Variants in ADK observed in about 807,000 individuals in gnomAD.
ADK encodes the protein adenosine kinase.
ADK carries 24 observed loss-of-function variants against 44.7 expected under a neutral mutation model. The observed-to-expected ratio is 0.54, with a 90% confidence interval of 0.39 to 0.76. The LOEUF (loss-of-function observed/expected upper bound fraction) is 0.76. Ranked by LOEUF, ADK falls within the 30% of genes least tolerant of loss-of-function variation. The probability of loss-of-function intolerance (pLI) is 0.00; values close to 1 mark genes in which losing one functional copy is unlikely to be tolerated. For missense variants in ADK, 321 were observed against 425.1 expected, an observed-to-expected ratio of 0.76 and a Z score of 2.15; for synonymous variants, 128 against 142.6, an observed-to-expected ratio of 0.90 and a Z score of 0.73.
At chr10:74,213,079 T>C (rs908495672) in intron 2 of ADK, among the ~76,000 whole-genome samples, 1 of 152,146 alleles carries the variant, frequency 6.6e-6, no homozygotes, top group South Asian at 2.1e-4. Flanking sequence ...GTTGGATTTA[T>C]GTTTTTGGTG....
intron 6 of ADK, among the ~76,000 whole-genome samples, chr10:74,466,697 A>G (rs900042343): frequency 6.6e-6 from 1 of 152,190 alleles, no homozygotes; most frequent in Non-Finnish European, 1.5e-5. Flanking sequence ...TTGAGTGTAA[A>G]GGTCAAAAGA....
chr10:74,494,113 TA>T (rs1847594457), intron 6 of ADK, among the ~76,000 whole-genome samples: 1 of 152,194 alleles, frequency 6.6e-6, no homozygotes, highest in South Asian at 2.1e-4. Context: ...ATTAGTATTT[TA>T]AAATAATATA....
intron 3 of ADK, among the ~76,000 whole-genome samples, chr10:74,270,395 A>G (rs535241655): frequency 1.3e-5 from 2 of 152,208 alleles, no homozygotes; most frequent in South Asian, 2.1e-4. Context: ...GCTTTTTGCA[A>G]ATCTCTTTAA....
chr10:74,640,680 T>G (rs1853810885), intron 9 of ADK, among the ~76,000 whole-genome samples: 1 of 152,232 alleles, frequency 6.6e-6, no homozygotes, highest in African/African-American at 2.4e-5. Context: ...CCATTGCAAG[T>G]GCTCAACTCT....
At chr10:74,204,031 A>C (rs993783560) in intron 2 of ADK, among the ~76,000 whole-genome samples, 28 of 135,172 alleles carry the variant, frequency 2.1e-4, no homozygotes, top group African/African-American at 5.7e-4. Context: ...ATCTCAGCTC[A>C]CTGCAATCTC....
intron 3 of ADK, among the ~76,000 whole-genome samples, chr10:74,273,347 G>T (rs1265301079): frequency 1.3e-5 from 2 of 152,142 alleles, no homozygotes; most frequent in Non-Finnish European, 2.9e-5. Flanking sequence ...ACTCTGACAG[G>T]TGATATACCA....
chr10:74,708,340 C>T lies in ADK; in HGVS notation c.984C>T (p.Val328=), dbSNP rs761409092. ...TTCTAGGTTTTCTGTCTCAACTGGT[C>T]TCTGACAAGCCTCTGACTGAATGTA... is the stretch of plus-strand genomic sequence containing the variant. ...AFVGGFLSQL[V]SDKPLTECIR... is the part of the protein sequence containing the mutation. The change falls in exon 11 of 11, where the codon GTC becomes GTT. Residue 328 remains valine (V), a synonymous_variant. Coordinates refer to ENST00000539909, the MANE Select transcript of ADK (RefSeq NM_006721.4). 1.5e-5 allele frequency: 24 copies of T among 1,611,226 alleles called. No individual in the cohort carries two copies. The highest frequency in any genetic ancestry group is 2.0e-5 in the Non-Finnish European group (23 of 1,179,250).
chr10:74,511,339 A>T lies in ADK; in HGVS notation c.556-13917A>T, dbSNP rs368436497. 1.6e-4 allele frequency among the ~76,000 whole-genome samples: 25 copies of T among 152,300 alleles called. No homozygotes were observed. In the South Asian group the frequency reaches 2.7e-3, roughly 16 times the overall value. On this transcript the variant is annotated intron_variant, in intron 6 of 10. Coordinates refer to ENST00000539909, the MANE Select transcript of ADK (RefSeq NM_006721.4). ...CTTTTTACTCAGGATTGCTTCAGCT[A>T]TTCAGGGTTTTCTATGTTTCCATAC... is the stretch of plus-strand genomic sequence containing the variant.
intron 7 of ADK, among the ~76,000 whole-genome samples, chr10:74,532,475 C>CA (rs34947578): frequency 0.63 from 79,301 of 124,942 alleles, 25,504 homozygotes; most frequent in Middle Eastern, 0.78. Flanking sequence ...GAAACTGTGT[C>CA]AAAAAAAAAA....
intron 3 of ADK, among the ~76,000 whole-genome samples, chr10:74,258,947 G>GTTTTTTTTTTTTT (rs141424052): frequency 1.1e-4 from 11 of 96,120 alleles, no homozygotes; most frequent in South Asian, 3.4e-4. Flanking sequence ...TTGTTTTTGT[G>GTTTTTTTTTTTTT]TTTTTTTTTT....
intron 7 of ADK, among the ~76,000 whole-genome samples, chr10:74,563,823 T>C (rs1323587150): frequency 6.6e-6 from 1 of 152,212 alleles, no homozygotes; most frequent in Admixed American, 6.5e-5. Flanking sequence ...GAAAACAACC[T>C]GTTTTACTTA....
rs530950857 is a variant in ADK, at chr10:74,597,364, G to A, written c.763-3015G>A. ...ACATCTTACATAACCAAAGTATAAT[G>A]AATAACAGAAAATTAACATTAAACT... On this transcript the variant is annotated intron_variant, in intron 8 of 10. Transcript: ENST00000539909. Among the ~76,000 whole-genome samples the A allele has an allele frequency of 2.6e-5, 4 of 152,178 alleles. No homozygotes were observed. In the East Asian group the frequency reaches 7.7e-4, roughly 29 times the overall value.
intron 3 of ADK, among the ~76,000 whole-genome samples, chr10:74,283,900 T>C (rs560473485): frequency 7.9e-5 from 12 of 152,126 alleles, no homozygotes; most frequent in African/African-American, 2.6e-4. Flanking sequence ...CTGGATAGTC[T>C]TGATCTCCTG....
intron 8 of ADK, among the ~76,000 whole-genome samples, chr10:74,592,378 A>G (rs1851754929): frequency 6.6e-6 from 1 of 152,192 alleles, no homozygotes; most frequent in South Asian, 2.1e-4. Flanking sequence ...AAGGTGCTCA[A>G]AAGCATGTTT....
At position 74,660,060 on chromosome 10, in the gene ADK, G is replaced by C. The variant is rs542334824; in HGVS notation, c.878-10123G>C. Among the ~76,000 whole-genome samples the C allele has an allele frequency of 2.3e-3, 353 of 152,274 alleles. 1 individual carries two copies. The highest frequency in any genetic ancestry group is 4.1e-3 in the Non-Finnish European group (279 of 68,018). On this transcript the variant is annotated intron_variant, in intron 9 of 10. Transcript: ENST00000539909. ...TTATTATGTGCCAACTTTTCCAAGT[G>C]CTTTATATGTATTAACTAATTTACT...
chr10:74,383,777 A>G (rs1450191193), intron 4 of ADK, among the ~76,000 whole-genome samples: 1 of 152,008 alleles, frequency 6.6e-6, no homozygotes, highest in Admixed American at 6.6e-5. Context: ...GTTTGTTTAG[A>G]TTCATCTCAT....
chr10:74,620,324 G>A (rs951167691), intron 9 of ADK, among the ~76,000 whole-genome samples: 4 of 152,056 alleles, frequency 2.6e-5, no homozygotes, highest in African/African-American at 7.2e-5. Context: ...ACTTCTGTGA[G>A]ATCAACTTTT....
chr10:74,352,464 A>G (rs542591094), intron 4 of ADK, among the ~76,000 whole-genome samples: 18 of 152,364 alleles, frequency 1.2e-4, no homozygotes, highest in Non-Finnish European at 1.3e-4. Flanking sequence ...CGAAAACCAT[A>G]AAAACCCTAG....
chr10:74,458,401 C>T (rs1408013196), intron 6 of ADK, among the ~76,000 whole-genome samples: 2 of 149,268 alleles, frequency 1.3e-5, no homozygotes, highest in Non-Finnish European at 3.0e-5. Flanking sequence ...AGGTTGCCAA[C>T]GTGTTGGGAT....
Sources: gnomAD v4.1 joint callset for allele counts (sites outside exome capture counted in the v4.1 genomes callset) on GRCh38, gnomAD v4.1.1 for gene constraint, MANE v1.5 for transcripts, NCBI Gene and HGNC (gene_info 2026-07-23, HGNC 2026-07-21) for gene names.